The following AKAP11 variants were observed in gnomAD, a reference collection of about 807,000 sequenced individuals.
AKAP11 encodes A-kinase anchoring protein 11.
A neutral mutation model predicts 146.1 loss-of-function variants in AKAP11; 36 were observed. That is an observed-to-expected ratio of 0.25 (90% CI 0.19 to 0.33). The LOEUF (loss-of-function observed/expected upper bound fraction) is 0.33. Ranked by LOEUF, AKAP11 falls within the 10% of genes least tolerant of loss-of-function variation. The pLI, the probability that AKAP11 is intolerant of heterozygous loss-of-function variation, is 1.00. For synonymous variants in AKAP11, 780 were observed against 786.5 expected (o/e 0.99, Z 0.14); for missense variants, 2,201 against 2,197.0 (o/e 1.00, Z -0.04).
At chr13:42,298,943 A>C in intron 7 of AKAP11, 146 bp downstream of exon 7, 1 of 848,354 alleles carries the variant, frequency 1.2e-6, no homozygotes, top group South Asian at 2.2e-5. Context: ...TTACCTAAGG[A>C]AATTCCTTAT....
At position 42,322,560 on chromosome 13, in the gene AKAP11, T is replaced by TG; in HGVS notation, c.*3333dup. Reference sequence around the variant, plus strand: ...ACAACTGATGCATCCATACTCAGGGTGTAGGGAGAATACTTTGCATTTAAA... The same window carrying TG: ...ACAACTGATGCATCCATACTCAGGGTGGTAGGGAGAATACTTTGCATTTAAA... On this transcript the variant is annotated 3_prime_UTR_variant, in exon 13 of 13. Transcript: ENST00000025301. 1 of 152,274 alleles carries TG rather than the reference T, an allele frequency of 6.6e-6. No individual in the cohort carries two copies. 9.4% of individuals were successfully genotyped at this position (152,274 alleles called of 1,614,324 possible). A position where few individuals can be genotyped will look rare whatever the true frequency, so the allele number is the denominator to read the frequency against.
intron 8 of AKAP11, among the ~76,000 whole-genome samples, chr13:42,307,906 A>T (rs1960351973): frequency 6.6e-6 from 1 of 152,148 alleles, no homozygotes; most frequent in Admixed American, 6.5e-5. Flanking sequence ...CAGTGAATGG[A>T]CTTTCTTGTG....
intron 12 of AKAP11, 116 bp from the exon 13 acceptor site, chr13:42,318,972 C>A: frequency 8.2e-7 from 1 of 1,222,058 alleles, no homozygotes; most frequent in Non-Finnish European, 1.1e-6. Context: ...AACTAGGAAA[C>A]GGTATTTAAT....
At chr13:42,316,607 C>G (rs1174656768) in intron 11 of AKAP11, among the ~76,000 whole-genome samples, 1 of 152,206 alleles carries the variant, frequency 6.6e-6, no homozygotes, top group Non-Finnish European at 1.5e-5. Flanking sequence ...CATTTCCCCC[C>G]ACTTTTGTCT....
At chr13:42,283,542 G>C (rs1959106464) in intron 1 of AKAP11, among the ~76,000 whole-genome samples, 1 of 152,144 alleles carries the variant, frequency 6.6e-6, no homozygotes, top group African/African-American at 2.4e-5. Context: ...AACTGGGGTA[G>C]CCAGCCCTGT....
At chr13:42,314,320 C>G (rs568246849) in intron 11 of AKAP11, among the ~76,000 whole-genome samples, 3 of 152,044 alleles carry the variant, frequency 2.0e-5, no homozygotes, top group Non-Finnish European at 4.4e-5. Context: ...TGGCGGGCAC[C>G]TGTAATCCCA....
intron 8 of AKAP11, among the ~76,000 whole-genome samples, chr13:42,304,392 A>G (rs1366698143): frequency 6.6e-6 from 1 of 152,226 alleles, no homozygotes; most frequent in Non-Finnish European, 1.5e-5. Flanking sequence ...CTTAGAAGGT[A>G]TCTCAGTTAT....
At position 42,299,646 on chromosome 13, in the gene AKAP11, G is replaced by T. The variant is rs9525605; in HGVS notation, c.900G>T (p.Ser300=). Residue 300 remains serine, a synonymous_variant, in exon 8 of 13, where the codon TCG becomes TCT. Transcript: ENST00000025301. ...GTGATTTACAGAAAACATTTTTTTC[G>T]TCTTCTCCTGCCTACTCATCTGAAT... The part of the protein sequence containing the change: ...KDSDLQKTFF[S]SSPAYSSESE... The T allele has an allele frequency of 6.2e-7, 1 of 1,613,530 alleles. No individual in the cohort carries two copies. Among genetic ancestry groups the T allele is most frequent in the Non-Finnish European group, 8.5e-7 (1 of 1,179,770 alleles).
Position 42,308,513 on chromosome 13 carries a change from T to G in AKAP11, c.5177T>G (p.Leu1726Arg). The G allele has an allele frequency of 6.2e-7, 1 of 1,613,026 alleles. No individual in the cohort carries two copies. The highest frequency in any genetic ancestry group is 1.1e-5 in the South Asian group (1 of 90,976). The change falls in exon 9 of 13, where the codon CTC (leucine) becomes CGC (arginine). Residue 1726 changes from leucine (L) to arginine (R), a missense_variant. Transcript: ENST00000025301. ...TCTGTCAGTAGCCAGCAGATGAACCTCAGTATTGGTGATGACAGCACTGGT... is the reference window on the plus strand; with the variant it reads ...TCTGTCAGTAGCCAGCAGATGAACCGCAGTATTGGTGATGACAGCACTGGT... ...TESVSSQQMNLSIGDDSTGSW... is the reference protein window; with the variant it reads ...TESVSSQQMNRSIGDDSTGSW...
In AKAP11 at chr13:42,303,668, A is replaced by G. The variant is rs368413878; in HGVS notation, c.4922A>G (p.His1641Arg). ...TTTCATCTCAGTGTCCCTCAGATTC[A>G]TGTTAATCTTGATAAGAAGGCAGTG... The part of the protein sequence containing the change: ...RIFHLSVPQI[H>R]VNLDKKAVLA... Residue 1641 changes from histidine (H) to arginine (R), a missense_variant, in exon 8 of 13, where the codon CAT becomes CGT. Physicochemically the swap from His to Arg is conservative, Grantham distance 29. This residue lies in a region of AKAP11 where 1,867 missense variants were observed against 1,833.5 expected (regional missense o/e 1.02). Transcript: ENST00000025301. The G allele has an allele frequency of 1.5e-5, 25 of 1,614,150 alleles. No individual in the cohort carries two copies. In the African/African-American group the frequency reaches 2.8e-4, roughly 18 times the overall value.
At chr13:42,305,031 G>A (rs537380539) in intron 8 of AKAP11, among the ~76,000 whole-genome samples, 2 of 152,210 alleles carry the variant, frequency 1.3e-5, no homozygotes, top group Non-Finnish European at 2.9e-5. Context: ...GATCACAGGC[G>A]TGAGCCACCG....
chr13:42,304,013 T>C, intron 8 of AKAP11, 150 bp downstream of exon 8: 1 of 1,050,462 alleles, frequency 9.5e-7, no homozygotes. Context: ...TTGTTTCATA[T>C]CCTACACATG....
Position 42,300,762 on chromosome 13 carries a change from ATC to A in AKAP11, c.2019_2020del (p.Pro674ThrfsTer6). ...CQFSYPQTPA[S>X]PQCGSFDFED... ...AGTTTTCATATCCTCAAACGCCTGC[ATC>A]TCCACAGTGTGGGTCGTTTGACTTT... On this transcript the variant is annotated frameshift_variant, in exon 8 of 13. Transcript: ENST00000025301. LOFTEE classifies it high-confidence loss of function. 1 of 1,614,136 alleles carries A rather than the reference ATC, an allele frequency of 6.2e-7. No homozygotes were observed. The highest frequency in any genetic ancestry group is 1.1e-5 in the South Asian group (1 of 91,082).
chr13:42,284,576 G>A (rs917840799), intron 1 of AKAP11, among the ~76,000 whole-genome samples: 1 of 152,038 alleles, frequency 6.6e-6, no homozygotes, highest in Non-Finnish European at 1.5e-5. Context: ...GATAATTTTT[G>A]GTCCACTTGA....
At chr13:42,291,891 A>G (rs1237819258) in intron 3 of AKAP11, among the ~76,000 whole-genome samples, 1 of 152,214 alleles carries the variant, frequency 6.6e-6, no homozygotes, top group Admixed American at 6.5e-5. Flanking sequence ...CAGCTTCCTT[A>G]AGATCCATGG....
Position 42,301,473 on chromosome 13 carries a change from A to G in AKAP11, c.2727A>G (p.Lys909=), listed in dbSNP as rs757899019. 1.2e-6 allele frequency: 2 copies of G among 1,613,394 alleles called. No homozygotes were observed. Among genetic ancestry groups the G allele is most frequent in the Non-Finnish European group, 8.5e-7 (1 of 1,179,826 alleles). ...ATGAACGTACAGATTATTTAACTAA[A>G]TCTTTAAAGGAGAAAACCCCTCCAT... ...MVDERTDYLT[K]SLKEKTPPFS... is the part of the protein sequence containing the mutation. The change falls in exon 8 of 13, where the codon AAA becomes AAG. Residue 909 remains lysine (K), a synonymous_variant. Coordinates refer to ENST00000025301, the MANE Select transcript of AKAP11 (RefSeq NM_016248.4).
intron 8 of AKAP11, among the ~76,000 whole-genome samples, chr13:42,305,807 T>C (rs1045717731): frequency 2.0e-5 from 3 of 151,432 alleles, no homozygotes; most frequent in African/African-American, 7.3e-5. Flanking sequence ...ACAAAGGAGG[T>C]TTAATTGACT....
rs1960067596 is a variant in AKAP11 at position 42,303,387 on chromosome 13, A to G, written c.4641A>G (p.Val1547=). 3.1e-6 allele frequency: 5 copies of G among 1,613,730 alleles called. No homozygotes were observed. The South Asian group carries it at 5.5e-5, about 18-fold the overall frequency. The change falls in exon 8 of 13, where the codon GTA becomes GTG. Residue 1547 remains valine (V), a synonymous_variant. Transcript: ENST00000025301. The stretch of plus-strand genomic sequence containing the variant: ...CTGTAGAACAGTATGCCAAAAAAGT[A>G]GTGGATGACACTCTAGAGCTAACTC... ...VQAVEQYAKK[V]VDDTLELTLG...
chr13:42,306,699 G>A (rs996484849), intron 8 of AKAP11, among the ~76,000 whole-genome samples: 2 of 152,148 alleles, frequency 1.3e-5, no homozygotes, highest in Non-Finnish European at 2.9e-5. Flanking sequence ...CATTCAGATG[G>A]ATTATTCTTT....
Sources: allele counts gnomAD v4.1 joint callset (sites outside exome capture counted in the v4.1 genomes callset), GRCh38; gene constraint gnomAD v4.1.1; regional missense constraint gnomAD v4.1.1; transcripts MANE v1.5; gene names NCBI Gene and HGNC (gene_info 2026-07-23, HGNC 2026-07-21).